Variants in PHYHIPL observed in about 807,000 individuals in gnomAD.
PHYHIPL encodes the protein phytanoyl-CoA hydroxylase-interacting protein-like.
In PHYHIPL, 9 loss-of-function variants were observed where a neutral mutation model predicts 33.4. The ratio of observed to expected loss-of-function variants is 0.27; its 90% CI spans 0.16 to 0.47. The LOEUF (loss-of-function observed/expected upper bound fraction) is 0.47. Among genes scored for constraint, PHYHIPL ranks in the 20% least tolerant of loss-of-function variants. PHYHIPL has a pLI of 0.99. For missense variants in PHYHIPL, 365 were observed against 460.7 expected, an observed-to-expected ratio of 0.79 and a Z score of 1.90; for synonymous variants, 153 against 154.1, an observed-to-expected ratio of 0.99 and a Z score of 0.05.
chr10:59,192,309 C>A (rs1022142634), intron 1 of PHYHIPL, among the ~76,000 whole-genome samples: 2 of 152,184 alleles, frequency 1.3e-5, no homozygotes, highest in African/African-American at 4.8e-5. Flanking sequence ...ATATTTAAGT[C>A]ATTGGTCAGT....
At chr10:59,199,539 G>T (rs1049955483) in intron 1 of PHYHIPL, among the ~76,000 whole-genome samples, 2 of 152,100 alleles carry the variant, frequency 1.3e-5, no homozygotes, top group Non-Finnish European at 1.5e-5. Flanking sequence ...GGCAATGAGG[G>T]CTCTTTTTTG....
At chr10:59,186,723 C>A (rs1274624481) in intron 1 of PHYHIPL, among the ~76,000 whole-genome samples, 1 of 152,176 alleles carries the variant, frequency 6.6e-6, no homozygotes, top group Admixed American at 6.5e-5. Context: ...CTCTTAGTAG[C>A]AGTTGTGAAT....
intron 1 of PHYHIPL, among the ~76,000 whole-genome samples, chr10:59,204,438 T>C (rs1839228724): frequency 6.6e-6 from 1 of 152,114 alleles, no homozygotes; most frequent in East Asian, 1.9e-4. Flanking sequence ...AACAGAACCC[T>C]TTTTTGTGGG....
intron 1 of PHYHIPL, chr10:59,183,750 T>TA: frequency 1.2e-6 from 1 of 823,508 alleles, no homozygotes; most frequent in Non-Finnish European, 1.5e-6. Flanking sequence ...TTGAGCCATG[T>TA]AGTGGCTCAT....
upstream of PHYHIPL, among the ~76,000 whole-genome samples, chr10:59,176,259 C>T (rs1271570691): frequency 1.3e-5 from 2 of 152,216 alleles, no homozygotes; most frequent in African/African-American, 4.8e-5. Flanking sequence ...AAACAACAAA[C>T]ATGCTCGCCC....
chr10:59,207,957 G>A (rs1051640920), intron 1 of PHYHIPL, among the ~76,000 whole-genome samples: 1 of 152,068 alleles, frequency 6.6e-6, no homozygotes, highest in Non-Finnish European at 1.5e-5. Flanking sequence ...ATCTGCCTGG[G>A]GCAGAGCACC....
chr10:59,204,690 T>G (rs1180470345), intron 1 of PHYHIPL, among the ~76,000 whole-genome samples: 3 of 152,098 alleles, frequency 2.0e-5, no homozygotes, highest in African/African-American at 7.2e-5. Context: ...CTTAACATAT[T>G]ACTTATTGCC....
At chr10:59,236,692 A>G in intron 3 of PHYHIPL, 35 bp downstream of exon 3, 5 of 1,507,106 alleles carry the variant, frequency 3.3e-6, no homozygotes, top group Non-Finnish European at 4.5e-6. Context: ...GAAAAGCTTT[A>G]GTTGTTCTGG....
At chr10:59,196,931 A>T (rs1178101179) in intron 1 of PHYHIPL, among the ~76,000 whole-genome samples, 1 of 152,190 alleles carries the variant, frequency 6.6e-6, no homozygotes, top group Non-Finnish European at 1.5e-5. Flanking sequence ...TTTTAACGTG[A>T]TGTTGTATAT....
intron 1 of PHYHIPL, among the ~76,000 whole-genome samples, chr10:59,230,914 C>A (rs1217154299): frequency 6.6e-6 from 1 of 151,976 alleles, no homozygotes; most frequent in Non-Finnish European, 1.5e-5. Flanking sequence ...ATCTGGATTA[C>A]TAAGGGGTTG....
rs1307766815 is a variant in PHYHIPL at position 59,246,862 on chromosome 10, T to C, written c.*1271T>C. 7 of 376,004 alleles carry C rather than the reference T, an allele frequency of 1.9e-5. No homozygotes were observed. Among genetic ancestry groups the C allele is most frequent in the Non-Finnish European group, 2.8e-5 (6 of 212,278 alleles). 23.3% of individuals were successfully genotyped at this position (376,004 alleles called of 1,614,324 possible). A position where few individuals can be genotyped will look rare whatever the true frequency, so the allele number is the denominator to read the frequency against. On this transcript the variant is annotated 3_prime_UTR_variant, in exon 5 of 5. Transcript: ENST00000373880. ...CATTAGATTATATACTACAGACACA[T>C]ATCTATCCAAAATACCTATTTTAAA...
chr10:59,234,639 C>A (rs1264809099), intron 2 of PHYHIPL, 139 bp downstream of exon 2: 1 of 476,376 alleles, frequency 2.1e-6, no homozygotes, highest in Non-Finnish European at 3.5e-6. Context: ...TTATATGTAA[C>A]TCTAAAACCC....
intron 1 of PHYHIPL, among the ~76,000 whole-genome samples, chr10:59,220,710 A>T (rs1253218450): frequency 6.6e-6 from 1 of 152,050 alleles, no homozygotes; most frequent in Non-Finnish European, 1.5e-5. Context: ...ATAGTTCTAG[A>T]GCAACTATGG....
chr10:59,242,475 T>A (rs1433329111), intron 4 of PHYHIPL, among the ~76,000 whole-genome samples: 1 of 152,060 alleles, frequency 6.6e-6, no homozygotes, highest in Non-Finnish European at 1.5e-5. Context: ...CAGAATATAA[T>A]AACATAAAAC....
chr10:59,242,307 T>A (rs1428805423), intron 4 of PHYHIPL, among the ~76,000 whole-genome samples: 1 of 152,024 alleles, frequency 6.6e-6, no homozygotes, highest in African/African-American at 2.4e-5. Context: ...CTCCTCCAAG[T>A]AGTAACTGAC....
chr10:59,199,761 A>T (rs1214460595), intron 1 of PHYHIPL, among the ~76,000 whole-genome samples: 1 of 152,160 alleles, frequency 6.6e-6, no homozygotes, highest in Non-Finnish European at 1.5e-5. Context: ...CTCCTTGAAG[A>T]GGTCCTTCAC....
At chr10:59,188,165 G>A (rs939559316) in intron 1 of PHYHIPL, among the ~76,000 whole-genome samples, 2 of 152,104 alleles carry the variant, frequency 1.3e-5, no homozygotes, top group Non-Finnish European at 2.9e-5. Flanking sequence ...GGTATGTTGT[G>A]TCTTTGTTCT....
At chr10:59,194,292 A>G (rs1349497691) in intron 1 of PHYHIPL, among the ~76,000 whole-genome samples, 1 of 152,030 alleles carries the variant, frequency 6.6e-6, no homozygotes, top group Non-Finnish European at 1.5e-5. Flanking sequence ...AGAGCTTCAT[A>G]TGGATCCACC....
rs2436579 is a variant in PHYHIPL, at chr10:59,183,678, A to C, written c.106+6719A>C. The C allele has an allele frequency of 2.7e-3, 2,683 of 985,004 alleles. 55 individuals are homozygous for C. In the African/African-American group the frequency reaches 0.043, roughly 16 times the overall value. 61.0% of individuals were successfully genotyped at this position (985,004 alleles called of 1,614,324 possible). On this transcript the variant is annotated intron_variant, in intron 1 of 4. Coordinates refer to ENST00000373880, the MANE Select transcript of PHYHIPL (RefSeq NM_032439.4). ...ATTTTGAAGATGCTCAACAGATGTG[A>C]GTTGAACCAAGAACGTCATACTTGG...
Sources: allele counts gnomAD v4.1 joint callset (sites outside exome capture counted in the v4.1 genomes callset), GRCh38; gene constraint gnomAD v4.1.1; transcripts MANE v1.5; gene names NCBI Gene and HGNC (gene_info 2026-07-23, HGNC 2026-07-21).